Variants in EPHX2 observed in about 807,000 individuals in gnomAD.
The protein encoded by EPHX2 is bifunctional epoxide hydrolase 2.
In EPHX2, 74 loss-of-function variants were observed where a neutral mutation model predicts 78.7. The observed-to-expected ratio is 0.94, with a 90% CI of 0.78 to 1.14. The LOEUF is 1.14. EPHX2 is among the 50% of genes most tolerant of loss of function. EPHX2 has a pLI of 0.00. For synonymous variants in EPHX2, 251 were observed against 255.2 expected (o/e 0.98, Z 0.16); for missense variants, 715 against 702.5 (o/e 1.02, Z -0.20).
chr8:27,547,516 G>A (rs1216787740), downstream of EPHX2, among the ~76,000 whole-genome samples: 1 of 152,054 alleles, frequency 6.6e-6, no homozygotes, highest in African/African-American at 2.4e-5. Flanking sequence ...ATCAGATCAG[G>A]GTAATTACAC....
At chr8:27,547,987 G>A (rs1007257204), downstream of EPHX2, among the ~76,000 whole-genome samples, 2 of 152,026 alleles carry the variant, frequency 1.3e-5, no homozygotes. Flanking sequence ...AAAAGAAATC[G>A]GCCCTTAAAA....
At chr8:27,512,618 C>G (rs1353767641) in intron 6 of EPHX2, among the ~76,000 whole-genome samples, 3 of 152,198 alleles carry the variant, frequency 2.0e-5, no homozygotes, top group African/African-American at 7.2e-5. Flanking sequence ...AGTACGTCCT[C>G]ATGGATTCAC....
At chr8:27,538,820 G>A (rs1168784253) in intron 14 of EPHX2, 128 bp downstream of exon 14, 2 of 1,059,856 alleles carry the variant, frequency 1.9e-6, no homozygotes, top group Non-Finnish European at 2.9e-6. Flanking sequence ...CCCAACCAGG[G>A]TCCCCTCGGC....
At position 27,504,887 on chromosome 8, in the gene EPHX2, TG is replaced by T. The variant is rs1187010007; in HGVS notation, c.347-64del. 3 of 1,541,166 alleles carry T rather than the reference TG, an allele frequency of 1.9e-6. No individual in the cohort carries two copies. The African/African-American group carries it at 4.1e-5, about 21-fold the overall frequency. The stretch of plus-strand genomic sequence containing the variant: ...TGCTTGGCCCATCATTGGAGTCCCT[TG>T]GGGGTATCTGGAGCATTTCAGGGCA... On this transcript the variant is annotated intron_variant, in intron 3 of 18. Coordinates refer to ENST00000521400, the MANE Select transcript of EPHX2 (RefSeq NM_001979.6).
intron 3 of EPHX2, among the ~76,000 whole-genome samples, chr8:27,504,022 A>T (rs981672228): frequency 6.6e-6 from 1 of 152,208 alleles, no homozygotes; most frequent in African/African-American, 2.4e-5. Flanking sequence ...CTCCCCTTCA[A>T]TGGCACTTTA....
intron 12 of EPHX2, among the ~76,000 whole-genome samples, chr8:27,535,356 G>T (rs1014639827): frequency 3.3e-5 from 5 of 151,946 alleles, no homozygotes; most frequent in African/African-American, 1.2e-4. Context: ...TGTATTTTTG[G>T]TAGAGACGGG....
intron 2 of EPHX2, among the ~76,000 whole-genome samples, chr8:27,501,431 TCTCA>T (rs961820247): frequency 6.7e-6 from 1 of 149,160 alleles, no homozygotes; most frequent in Non-Finnish European, 1.5e-5. Context: ...TGAGACAGGT[TCTCA>T]CTCTATTGCC....
chr8:27,541,575 A>C (rs957327436), intron 16 of EPHX2, 33 bp downstream of exon 16: 2 of 1,612,496 alleles, frequency 1.2e-6, no homozygotes, highest in South Asian at 2.2e-5. Context: ...TCTCATCCAC[A>C]CCCCAGGACC....
At chr8:27,526,817 A>T (rs554833825) in intron 12 of EPHX2, among the ~76,000 whole-genome samples, 1 of 152,278 alleles carries the variant, frequency 6.6e-6, no homozygotes, top group Non-Finnish European at 1.5e-5. Flanking sequence ...TGGTGTGATC[A>T]TAGCTCACTG....
At position 27,544,709 on chromosome 8, in the gene EPHX2, G is replaced by C; in HGVS notation, c.*187G>C. On this transcript the variant is annotated 3_prime_UTR_variant, in exon 19 of 19. Transcript: ENST00000521400. The stretch of plus-strand genomic sequence containing the variant: ...AAATTTGACATTATTTTAGATCCCA[G>C]AGAAATCAGGTGTGATTAGTTCTCC... The C allele has an allele frequency of 1.6e-6, 1 of 625,044 alleles. No individual in the cohort carries two copies. Among genetic ancestry groups the C allele is most frequent in the South Asian group, 2.0e-5 (1 of 50,274 alleles). The allele number at this position is 625,044 out of a possible 1,614,324, so 38.7% of individuals were successfully genotyped here. A position where few individuals can be genotyped will look rare whatever the true frequency, so the allele number is the denominator to read the frequency against.
intron 12 of EPHX2, among the ~76,000 whole-genome samples, chr8:27,533,728 C>T (rs1815120049): frequency 6.6e-6 from 1 of 152,168 alleles, no homozygotes; most frequent in Admixed American, 6.5e-5. Context: ...GCTGGGACCA[C>T]AGGCATGCAC....
At position 27,515,855 on chromosome 8, in the gene EPHX2, G is replaced by A. The variant is rs775103173; in HGVS notation, c.831+42G>A. On this transcript the variant is annotated intron_variant, in intron 7 of 18. Coordinates refer to ENST00000521400, the MANE Select transcript of EPHX2 (RefSeq NM_001979.6). ...AGATGCAGCCAGTCAGGGTGAGGTT[G>A]GGGGAGTCTAGATGGTGTGGTCCGA... 4 of 1,564,468 alleles carry A rather than the reference G, an allele frequency of 2.6e-6. No individual in the cohort carries two copies. In the African/African-American group the frequency reaches 5.4e-5, roughly 21 times the overall value.
At chr8:27,513,508 G>T (rs1305243461) in intron 6 of EPHX2, among the ~76,000 whole-genome samples, 2 of 152,128 alleles carry the variant, frequency 1.3e-5, no homozygotes, top group South Asian at 2.1e-4. Context: ...ACCCCACCTT[G>T]TCTTTCCCCC....
At chr8:27,519,572 T>C (rs966293996) in intron 9 of EPHX2, among the ~76,000 whole-genome samples, 9 of 152,178 alleles carry the variant, frequency 5.9e-5, no homozygotes, top group African/African-American at 2.2e-4. Flanking sequence ...TAATTCACTG[T>C]GCGTGTTTGG....
intron 12 of EPHX2, among the ~76,000 whole-genome samples, chr8:27,531,661 AG>A (rs1012819296): frequency 1.3e-5 from 2 of 152,204 alleles, no homozygotes; most frequent in African/African-American, 4.8e-5. Context: ...TTACTTGTAA[AG>A]GGCAGGAGGG....
At chr8:27,505,262 C>T in intron 4 of EPHX2, 116 bp downstream of exon 4, 1 of 957,700 alleles carries the variant, frequency 1.0e-6, no homozygotes, top group Non-Finnish European at 1.6e-6. Context: ...GCTCTGAGTC[C>T]ACTTCTCCCA....
At chr8:27,525,101 T>TGA (rs1337299692) in intron 11 of EPHX2, among the ~76,000 whole-genome samples, 1 of 130,766 alleles carries the variant, frequency 7.6e-6, no homozygotes, top group Non-Finnish European at 1.6e-5. Context: ...TGTGTGTGTG[T>TGA]GTGTGTGCGC....
Position 27,494,314 on chromosome 8 carries a change from C to T in EPHX2, c.101+3005C>T, listed in dbSNP as rs577062093. 5.3e-5 allele frequency among the ~76,000 whole-genome samples: 8 copies of T among 152,272 alleles called. No individual in the cohort carries two copies. In the South Asian group the frequency reaches 1.7e-3, roughly 32 times the overall value. On this transcript the variant is annotated intron_variant, in intron 1 of 18. Coordinates refer to ENST00000521400, the MANE Select transcript of EPHX2 (RefSeq NM_001979.6). Reference sequence around the variant, plus strand: ...TCGTGGTCACAAGGTCTTGTATGGGCTTTTCCTGAGGATTGTGGCCTCCAG... The same window carrying T: ...TCGTGGTCACAAGGTCTTGTATGGGTTTTTCCTGAGGATTGTGGCCTCCAG...
At chr8:27,526,370 G>C (rs1368126338) in intron 12 of EPHX2, among the ~76,000 whole-genome samples, 1 of 152,248 alleles carries the variant, frequency 6.6e-6, no homozygotes, top group Non-Finnish European at 1.5e-5. Context: ...ATTTTGAAGA[G>C]ACCTCGACAT....
Sources: allele counts gnomAD v4.1 joint callset (sites outside exome capture counted in the v4.1 genomes callset), GRCh38; gene constraint gnomAD v4.1.1; transcripts MANE v1.5; gene names NCBI Gene and HGNC (gene_info 2026-07-23, HGNC 2026-07-21).